Variants in KCTD16 observed in about 807,000 individuals in gnomAD.
KCTD16 encodes potassium channel tetramerization domain containing 16, also known as BTB/POZ domain-containing protein KCTD16.
KCTD16 carries 13 observed loss-of-function variants against 33.2 expected under a neutral mutation model. That is an observed-to-expected ratio of 0.39 (90% confidence interval 0.25 to 0.62). KCTD16 has a LOEUF of 0.62. Among genes scored for constraint, KCTD16 ranks in the 20% least tolerant of loss-of-function variants. The pLI is 0.50. For synonymous variants in KCTD16, 197 were observed against 195.3 expected, an observed-to-expected ratio of 1.01 and a Z score of -0.07; for missense variants, 441 against 525.1, an observed-to-expected ratio of 0.84 and a Z score of 1.57.
chr5:144,373,629 A>C (rs1338193961), intron 3 of KCTD16, among the ~76,000 whole-genome samples: 1 of 152,140 alleles, frequency 6.6e-6, no homozygotes, highest in Non-Finnish European at 1.5e-5. Flanking sequence ...GTGATATGTC[A>C]TCTACAGCTC....
chr5:144,444,803 G>T (rs1454004468), intron 3 of KCTD16, among the ~76,000 whole-genome samples: 2 of 150,792 alleles, frequency 1.3e-5, no homozygotes, highest in East Asian at 3.9e-4. Flanking sequence ...ATTCCAGATT[G>T]ATATTCTGAT....
chr5:144,177,359 C>A (rs933531074), intron 2 of KCTD16, among the ~76,000 whole-genome samples: 2 of 152,260 alleles, frequency 1.3e-5, no homozygotes, highest in African/African-American at 4.8e-5. Flanking sequence ...AGAATTCAGA[C>A]TGGATTAGTT....
At chr5:144,412,269 C>T (rs1752949300) in intron 3 of KCTD16, among the ~76,000 whole-genome samples, 1 of 152,140 alleles carries the variant, frequency 6.6e-6, no homozygotes, top group South Asian at 2.1e-4. Context: ...ATGGAATCAA[C>T]CTATGTGCTC....
At chr5:144,222,337 A>G (rs1753783511) in intron 3 of KCTD16, among the ~76,000 whole-genome samples, 1 of 152,186 alleles carries the variant, frequency 6.6e-6, no homozygotes, top group African/African-American at 2.4e-5. Flanking sequence ...AAGACTAGCG[A>G]TTAAAGAAAA....
chr5:144,188,176 A>AT (rs1206991524), intron 2 of KCTD16, among the ~76,000 whole-genome samples: 1 of 152,168 alleles, frequency 6.6e-6, no homozygotes, highest in Admixed American at 6.5e-5. Context: ...TTAATTGTCC[A>AT]TATCTTACAT....
At chr5:144,369,870 G>C (rs1044748459) in intron 3 of KCTD16, among the ~76,000 whole-genome samples, 1 of 152,020 alleles carries the variant, frequency 6.6e-6, no homozygotes, top group Admixed American at 6.6e-5. Context: ...TTTTTAATAG[G>C]ACTTATAAGA....
intron 3 of KCTD16, among the ~76,000 whole-genome samples, chr5:144,401,649 A>C (rs1561594520): frequency 6.6e-6 from 1 of 152,194 alleles, no homozygotes; most frequent in African/African-American, 2.4e-5. Context: ...CTTTGGGGCA[A>C]CAAAAATATG....
intron 3 of KCTD16, among the ~76,000 whole-genome samples, chr5:144,404,104 G>A (rs1752761885): frequency 6.6e-6 from 1 of 152,116 alleles, no homozygotes; most frequent in Admixed American, 6.6e-5. Flanking sequence ...TAAAAAGATG[G>A]CCTGAGAATG....
At chr5:144,258,318 A>G (rs1270598641) in intron 3 of KCTD16, among the ~76,000 whole-genome samples, 2 of 151,840 alleles carry the variant, frequency 1.3e-5, no homozygotes, top group Non-Finnish European at 1.5e-5. Flanking sequence ...TTAGAATAGT[A>G]TAGTAATAAT....
At chr5:144,200,209 T>C (rs1440455059) in intron 2 of KCTD16, among the ~76,000 whole-genome samples, 1 of 152,084 alleles carries the variant, frequency 6.6e-6, no homozygotes, top group African/African-American at 2.4e-5. Context: ...TTAGAAGAAC[T>C]TTATCCTGTA....
At chr5:144,429,345 T>C (rs1358643880) in intron 3 of KCTD16, among the ~76,000 whole-genome samples, 1 of 152,126 alleles carries the variant, frequency 6.6e-6, no homozygotes, top group Non-Finnish European at 1.5e-5. Context: ...CTATGGCTGC[T>C]TTTCCCTCTG....
intron 3 of KCTD16, among the ~76,000 whole-genome samples, chr5:144,442,856 C>G (rs776672569): frequency 2.1e-5 from 3 of 145,360 alleles, no homozygotes; most frequent in Non-Finnish European, 4.4e-5. Flanking sequence ...TTGCTCTATA[C>G]TAGGTACTAG....
chr5:144,209,355 T>C (rs1316058427), intron 3 of KCTD16, among the ~76,000 whole-genome samples: 4 of 152,210 alleles, frequency 2.6e-5, no homozygotes, highest in South Asian at 2.1e-4. Flanking sequence ...GGCTCCATTC[T>C]CCTGACTATG....
intron 3 of KCTD16, among the ~76,000 whole-genome samples, chr5:144,352,483 T>A (rs1751469182): frequency 6.6e-6 from 1 of 152,176 alleles, no homozygotes; most frequent in African/African-American, 2.4e-5. Context: ...TCTGGTTCTC[T>A]CCCCTGAAAC....
chr5:144,262,008 C>A (rs1755024522), intron 3 of KCTD16, among the ~76,000 whole-genome samples: 1 of 152,126 alleles, frequency 6.6e-6, no homozygotes, highest in Non-Finnish European at 1.5e-5. Context: ...ACTCACTGTG[C>A]TAGACACAGG....
At chr5:144,321,988 A>G (rs964874672) in intron 3 of KCTD16, among the ~76,000 whole-genome samples, 3 of 152,208 alleles carry the variant, frequency 2.0e-5, no homozygotes, top group Non-Finnish European at 2.9e-5. Context: ...AAAGGAGTAA[A>G]GAAAAAATAC....
intron 3 of KCTD16, among the ~76,000 whole-genome samples, chr5:144,410,837 T>A (rs1752916650): frequency 6.6e-6 from 1 of 152,232 alleles, no homozygotes; most frequent in Non-Finnish European, 1.5e-5. Flanking sequence ...TCTGCTAACT[T>A]GATACTTTGT....
intron 2 of KCTD16, among the ~76,000 whole-genome samples, chr5:144,182,904 TTTG>T (rs1330533464): frequency 6.6e-6 from 1 of 152,218 alleles, no homozygotes; most frequent in Non-Finnish European, 1.5e-5. Context: ...GTTATTATTG[TTTG>T]TTGTTACTTA....
intron 3 of KCTD16, among the ~76,000 whole-genome samples, chr5:144,359,474 T>G (rs1751654056): frequency 6.6e-6 from 1 of 152,134 alleles, no homozygotes; most frequent in Admixed American, 6.6e-5. Flanking sequence ...CTGCCATTGC[T>G]TCTTATTATA....
Sources: allele counts gnomAD v4.1 joint callset (sites outside exome capture counted in the v4.1 genomes callset), GRCh38; gene constraint gnomAD v4.1.1; transcripts MANE v1.5; gene names NCBI Gene and HGNC (gene_info 2026-07-23, HGNC 2026-07-21).